Variants in FBXL5 observed in about 807,000 individuals in gnomAD.
FBXL5 encodes F-box/LRR-repeat protein 5.
A neutral mutation model predicts 78.3 loss-of-function variants in FBXL5; 26 were observed. That is an observed-to-expected ratio of 0.33 (90% CI 0.24 to 0.46). FBXL5 has a LOEUF of 0.46. Among genes scored for constraint, FBXL5 ranks in the 20% least tolerant of loss-of-function variants. FBXL5 has a pLI of 1.00. For missense variants in FBXL5, 710 were observed against 829.2 expected (o/e 0.86, Z 1.77); for synonymous variants, 295 against 282.5 (o/e 1.04, Z -0.45).
chr4:15,626,861 A>C lies in FBXL5; in HGVS notation c.1124+12T>G, dbSNP rs1186274863. 1 of 1,577,636 alleles carries C rather than the reference A, an allele frequency of 6.3e-7. No individual in the cohort carries two copies. Among genetic ancestry groups the C allele is most frequent in the Non-Finnish European group, 8.7e-7 (1 of 1,155,478 alleles). ...GTTTTTCATTATATTTAAATTGTTTAAAATAACTAACCTGTCAAATGCAGA... is the reference window on the plus strand; with the variant it reads ...GTTTTTCATTATATTTAAATTGTTTCAAATAACTAACCTGTCAAATGCAGA... On this transcript the variant is annotated intron_variant, in intron 8 of 10. Transcript: ENST00000341285.
intron 8 of FBXL5, 39 bp from the exon 9 acceptor site, chr4:15,626,016 A>C: frequency 6.7e-7 from 1 of 1,497,808 alleles, no homozygotes. Context: ...AATATTGTTA[A>C]ATTTTTCAAA....
intron 1 of FBXL5, among the ~76,000 whole-genome samples, chr4:15,672,595 A>G (rs1320021963): frequency 6.6e-6 from 1 of 152,206 alleles, no homozygotes; most frequent in African/African-American, 2.4e-5. Context: ...GTATACCTGT[A>G]AAGGGCACTT....
At chr4:15,676,730 G>C (rs1718008431) in intron 1 of FBXL5, among the ~76,000 whole-genome samples, 1 of 152,018 alleles carries the variant, frequency 6.6e-6, no homozygotes, top group Admixed American at 6.6e-5. Flanking sequence ...GTTGAAACTA[G>C]GTGTTGGGTT....
At chr4:15,606,830 T>C (rs934905624) in intron 10 of FBXL5, among the ~76,000 whole-genome samples, 6 of 152,162 alleles carry the variant, frequency 3.9e-5, no homozygotes, top group Non-Finnish European at 8.8e-5. Context: ...TACTCTGGGG[T>C]GATATCTAGC....
At position 15,644,544 on chromosome 4, in the gene FBXL5, A is replaced by C. The variant is rs1371653017; in HGVS notation, c.249T>G (p.Asn83Lys). 1 of 1,614,030 alleles carries C rather than the reference A, an allele frequency of 6.2e-7. No individual in the cohort carries two copies. ...AGAGGCTAAGCATCTCGGAGAGTTT[A>C]TTGTCAGAATGTACATTATAAATGG... ...SQTIYNVHSD[N>K]KLSEMLSLFE... Residue 83 changes from asparagine to lysine, a missense_variant, in exon 2 of 11, where the codon AAT (asparagine) becomes AAG (lysine). Physicochemically the swap from Asn to Lys is moderately conservative, Grantham distance 94. Coordinates refer to ENST00000341285, the MANE Select transcript of FBXL5 (RefSeq NM_012161.4).
chr4:15,646,165 AC>A (rs1412691148), intron 1 of FBXL5, among the ~76,000 whole-genome samples: 2 of 152,264 alleles, frequency 1.3e-5, no homozygotes, highest in African/African-American at 2.4e-5. Flanking sequence ...GTCATAGACA[AC>A]ATGTAAATGA....
chr4:15,627,001 T>C (rs376374196), intron 7 of FBXL5, 46 bp from the exon 8 acceptor site: 2 of 1,264,542 alleles, frequency 1.6e-6, no homozygotes, highest in African/African-American at 3.0e-5. Context: ...AGAACTTCAG[T>C]TAGCTAAGTA....
intron 10 of FBXL5, among the ~76,000 whole-genome samples, chr4:15,606,398 G>A (rs965565052): frequency 6.6e-6 from 1 of 151,852 alleles, no homozygotes; most frequent in African/African-American, 2.4e-5. Flanking sequence ...TGTAGCCATA[G>A]TAAAAATTAT....
intron 10 of FBXL5, 57 bp from the exon 11 acceptor site, chr4:15,605,856 A>G (rs1057211685): frequency 2.1e-6 from 3 of 1,396,196 alleles, no homozygotes; most frequent in Admixed American, 1.8e-5. Context: ...ACATAAAAAT[A>G]ATTTTGCTTA....
In FBXL5 at chr4:15,629,515, T is replaced by C. The variant is rs192948047; in HGVS notation, c.892+1151A>G. ...CTACAACACTTGTCACCATCTAATA[T>C]GGAATATATTTTACCTGTATTTATT... On this transcript the variant is annotated intron_variant, in intron 6 of 10. Coordinates refer to ENST00000341285, the MANE Select transcript of FBXL5 (RefSeq NM_012161.4). 4.1e-3 allele frequency among the ~76,000 whole-genome samples: 630 copies of C among 152,254 alleles called. 5 individuals are homozygous for C. The highest frequency in any genetic ancestry group is 0.014 in the African/African-American group (596 of 41,574).
At chr4:15,669,968 G>A (rs569948911) in intron 1 of FBXL5, among the ~76,000 whole-genome samples, 22 of 152,182 alleles carry the variant, frequency 1.4e-4, no homozygotes, top group African/African-American at 4.8e-4. Context: ...TGCAACATAT[G>A]GAAAAGGACA....
At chr4:15,627,694 T>C (rs947373794) in intron 7 of FBXL5, among the ~76,000 whole-genome samples, 191 bp downstream of exon 7, 3 of 152,226 alleles carry the variant, frequency 2.0e-5, no homozygotes, top group African/African-American at 7.2e-5. Flanking sequence ...TAATGATAAT[T>C]ATGCTACAAA....
chr4:15,670,637 C>G (rs1316344057), intron 1 of FBXL5, among the ~76,000 whole-genome samples: 1 of 151,962 alleles, frequency 6.6e-6, no homozygotes, highest in African/African-American at 2.4e-5. Context: ...CCCTGGGCCC[C>G]TCCCCCCACA....
intron 5 of FBXL5, among the ~76,000 whole-genome samples, chr4:15,634,002 G>A (rs1713961963): frequency 6.6e-6 from 1 of 152,068 alleles, no homozygotes; most frequent in South Asian, 2.1e-4. Flanking sequence ...CTGTCCTGTG[G>A]ATTATAGGGT....
intron 5 of FBXL5, among the ~76,000 whole-genome samples, chr4:15,635,986 G>A (rs569372434): frequency 1.3e-5 from 2 of 151,966 alleles, no homozygotes; most frequent in South Asian, 4.2e-4. Flanking sequence ...TAGGTCAAAG[G>A]CAAAAACAGA....
At chr4:15,641,513 C>A (rs1321770597) in intron 2 of FBXL5, 1 of 384,170 alleles carries the variant, frequency 2.6e-6, no homozygotes, top group African/African-American at 2.4e-5. Flanking sequence ...ACATTCTTTT[C>A]TCTAGCTTAC....
At position 15,625,802 on chromosome 4, in the gene FBXL5, T is replaced by C; in HGVS notation, c.1300A>G (p.Lys434Glu). Residue 434 changes from lysine (K) to glutamate (E), a missense_variant, in exon 9 of 11, where the codon AAA becomes GAA. By Grantham distance (56) the Lys-to-Glu change is moderately conservative. Coordinates refer to ENST00000341285, the MANE Select transcript of FBXL5 (RefSeq NM_012161.4). Reference protein sequence around the residue: ...SKITSTAWKNKDITMQSTKQY... With the variant: ...SKITSTAWKNEDITMQSTKQY... ...TTGGTGGACTGCATGGTAATGTCTT[T>C]ATTTTTCCACGCAGTTGAAGTAATT... 2.5e-6 allele frequency: 4 copies of C among 1,614,164 alleles called. No individual in the cohort carries two copies. The highest frequency in any genetic ancestry group is 3.4e-6 in the Non-Finnish European group (4 of 1,180,026).
chr4:15,653,164 G>A (rs775677770), intron 1 of FBXL5, among the ~76,000 whole-genome samples: 3 of 151,744 alleles, frequency 2.0e-5, no homozygotes, highest in Non-Finnish European at 4.4e-5. Context: ...TTTAATCTTC[G>A]TGATAAACGT....
rs1722327774 is a variant in FBXL5 at position 15,612,321 on chromosome 4, A to C, written c.1944T>G (p.Val648=). The change falls in exon 10 of 11, where the codon GTT becomes GTG. Residue 648 remains valine (V), a synonymous_variant. Coordinates refer to ENST00000341285, the MANE Select transcript of FBXL5 (RefSeq NM_012161.4). ...TITGAGLQDL[V]SACPSLNDEY... ...CATCATTCAGAGAAGGACATGCTGA[A>C]ACCAAATCCTGCAGGCCTGCACCAG... 4.3e-6 allele frequency: 7 copies of C among 1,612,688 alleles called. No individual in the cohort carries two copies. The highest frequency in any genetic ancestry group is 5.9e-6 in the Non-Finnish European group (7 of 1,179,332).
Sources: gnomAD v4.1 joint callset for allele counts (sites outside exome capture counted in the v4.1 genomes callset) on GRCh38, gnomAD v4.1.1 for gene constraint, MANE v1.5 for transcripts, NCBI Gene and HGNC (gene_info 2026-07-23, HGNC 2026-07-21) for gene names.